The following FBXL3 variants were observed in gnomAD, a reference collection of about 807,000 sequenced individuals.
FBXL3 encodes the protein F-box/LRR-repeat protein 3.
A neutral mutation model predicts 37.9 loss-of-function variants in FBXL3; 14 were observed. The ratio of observed to expected loss-of-function variants is 0.37; its 90% CI spans 0.24 to 0.58. The LOEUF (loss-of-function observed/expected upper bound fraction) is 0.58. FBXL3 is among the 20% of genes least tolerant of loss of function. FBXL3 has a pLI of 0.74. For missense variants in FBXL3, 327 were observed against 511.1 expected, an observed-to-expected ratio of 0.64 and a Z score of 3.47; for synonymous variants, 194 against 180.1, an observed-to-expected ratio of 1.08 and a Z score of -0.62.
rs1809759344 is a variant in FBXL3 at position 77,008,134 on chromosome 13, T to C, written c.644-346A>G. On this transcript the variant is annotated intron_variant, in intron 4 of 4. Coordinates refer to ENST00000355619, the MANE Select transcript of FBXL3 (RefSeq NM_012158.4). ...AAAGTTATTACTAACACTAAACTTA[T>C]AGGTTAGGTAATTACAGGACCACTG... Among the ~76,000 whole-genome samples, 4 of 152,196 alleles carry C rather than the reference T, an allele frequency of 2.6e-5. No individual in the cohort carries two copies. In the South Asian group the frequency reaches 6.2e-4, roughly 24 times the overall value.
chr13:77,018,049 G>A (rs1003655488), intron 3 of FBXL3: 2 of 151,874 alleles, frequency 1.3e-5, no homozygotes, highest in East Asian at 1.9e-4. Flanking sequence ...AGAGAGACAC[G>A]ATCTCTGATT....
intron 3 of FBXL3, chr13:77,017,302 A>C (rs2034661487): frequency 6.6e-6 from 1 of 152,236 alleles, no homozygotes; most frequent in Non-Finnish European, 1.5e-5. Context: ...TATGTTCAAC[A>C]TATCCTTTAA....
chr13:77,025,708 A>G (rs960951200), intron 1 of FBXL3, among the ~76,000 whole-genome samples: 3 of 151,352 alleles, frequency 2.0e-5, no homozygotes, highest in African/African-American at 7.3e-5. Flanking sequence ...AAAAAAAAAA[A>G]AAAACTTTGA....
chr13:77,023,424 T>C (rs73239424), intron 1 of FBXL3, among the ~76,000 whole-genome samples: 1 of 152,056 alleles, frequency 6.6e-6, no homozygotes. Flanking sequence ...ACCCTGGAAG[T>C]AGACTCACTG....
intron 1 of FBXL3, among the ~76,000 whole-genome samples, chr13:77,025,687 CAAAAAAAAAA>C (rs35934318): frequency 1.4e-5 from 1 of 73,968 alleles, no homozygotes; most frequent in Non-Finnish European, 2.4e-5. Context: ...GTCCTTGTCT[CAAAAAAAAAA>C]AAAAAAAAAA....
chr13:77,026,744 C>T (rs1431131043), intron 1 of FBXL3, 83 bp downstream of exon 1: 2 of 146,942 alleles, frequency 1.4e-5, no homozygotes, highest in Non-Finnish European at 3.0e-5. Flanking sequence ...CCCCACCCCA[C>T]CCCGGCCCGC....
rs2034431290 is a variant in FBXL3, at chr13:77,005,306, A to G, written c.*1839T>C. 6.6e-6 allele frequency: 1 copy of G among 152,620 alleles called. No individual in the cohort carries two copies. Among genetic ancestry groups the G allele is most frequent in the Admixed American group, 6.5e-5 (1 of 15,284 alleles). 9.5% of individuals were successfully genotyped at this position (152,620 alleles called of 1,614,324 possible). ...TCAAAGTGATAAAAGCATTTAACAT[A>G]TACTTTACAGTATAAACAAATTAAG... On this transcript the variant is annotated 3_prime_UTR_variant, in exon 5 of 5. Transcript: ENST00000355619.
chr13:77,015,392 CA>C lies in FBXL3; in HGVS notation c.643+16del. ...ATGCATTTTACTAAAATGTGTCTAGCAAAAAACACAACATACCTGCTGGAGA... is the reference window on the plus strand; with the variant it reads ...ATGCATTTTACTAAAATGTGTCTAGCAAAAACACAACATACCTGCTGGAGA... On this transcript the variant is annotated intron_variant, in intron 4 of 4. Coordinates refer to ENST00000355619, the MANE Select transcript of FBXL3 (RefSeq NM_012158.4). 6.7e-7 allele frequency: 1 copy of C among 1,495,068 alleles called. No homozygotes were observed. Among genetic ancestry groups the C allele is most frequent in the Non-Finnish European group, 8.9e-7 (1 of 1,120,598 alleles). The allele number at this position is 1,495,068 out of a possible 1,614,324, so 92.6% of individuals were successfully genotyped here.
chr13:77,017,840 T>G (rs990814143), intron 3 of FBXL3: 1 of 152,110 alleles, frequency 6.6e-6, no homozygotes, highest in Non-Finnish European at 1.5e-5. Flanking sequence ...CCCTCCTCAA[T>G]CATCCTAGTA....
chr13:77,007,285 A>G lies in FBXL3; in HGVS notation c.1147T>C (p.Cys383Arg). The change falls in exon 5 of 5, where the codon TGT becomes CGT. Residue 383 changes from cysteine (C) to arginine (R), a missense_variant. By Grantham distance (180) the Cys-to-Arg change is radical. Coordinates refer to ENST00000355619, the MANE Select transcript of FBXL3 (RefSeq NM_012158.4). ...GATAATTGAGATAGGCGGCCACCAC[A>G]CATCTTCACAAACTCAACAAAGGCA... ...CSAFVEFVKM[C>R]GGRLSQLSIM... 6.2e-7 allele frequency: 1 copy of G among 1,614,054 alleles called. No individual in the cohort carries two copies. The highest frequency in any genetic ancestry group is 8.5e-7 in the Non-Finnish European group (1 of 1,180,010).
rs1324095825 is a variant in FBXL3 at position 77,005,843 on chromosome 13, A to C, written c.*1302T>G. 1 of 152,216 alleles carries C rather than the reference A, an allele frequency of 6.6e-6. No homozygotes were observed. Among genetic ancestry groups the C allele is most frequent in the Non-Finnish European group, 1.5e-5 (1 of 67,942 alleles). The allele number at this position is 152,216 out of a possible 1,614,324, so 9.4% of individuals were successfully genotyped here. A position where few individuals can be genotyped will look rare whatever the true frequency, so the allele number is the denominator to read the frequency against. On this transcript the variant is annotated 3_prime_UTR_variant, in exon 5 of 5. Transcript: ENST00000355619. ...TTCCCTCAGGAGGGTAGTAATATCT[A>C]CTAGCACTAGTGCCCAGCATCAAAG...
At chr13:77,016,538 T>A (rs1593929917) in intron 3 of FBXL3, 1 of 151,258 alleles carries the variant, frequency 6.6e-6, no homozygotes, top group East Asian at 2.0e-4. Context: ...AATGAAACAT[T>A]ACTTTTTTTT....
intron 2 of FBXL3, 129 bp downstream of exon 2, chr13:77,021,384 A>G (rs1179524810): frequency 1.2e-5 from 8 of 644,350 alleles, no homozygotes; most frequent in Admixed American, 6.0e-5. Flanking sequence ...AAGGTATACA[A>G]TAATTCTAAA....
rs1333778537 is a variant in FBXL3, at chr13:77,006,512, A to C, written c.*633T>G. ...CTAAACACTGCCTCCCTTCTGTTCC[A>C]TTTATTGTCTTTTAATTTGATCTTG... On this transcript the variant is annotated 3_prime_UTR_variant, in exon 5 of 5. Transcript: ENST00000355619. 6.6e-6 allele frequency: 1 copy of C among 152,500 alleles called. No individual in the cohort carries two copies. Among genetic ancestry groups the C allele is most frequent in the Non-Finnish European group, 1.5e-5 (1 of 68,152 alleles). The allele number at this position is 152,500 out of a possible 1,614,324, so 9.4% of individuals were successfully genotyped here.
chr13:77,021,547 C>A lies in FBXL3; in HGVS notation c.314G>T (p.Arg105Ile). 1 of 1,613,830 alleles carries A rather than the reference C, an allele frequency of 6.2e-7. No individual in the cohort carries two copies. The highest frequency in any genetic ancestry group is 1.1e-5 in the South Asian group (1 of 91,048). Residue 105 changes from arginine (R) to isoleucine (I), a missense_variant, in exon 2 of 5, where the codon AGA becomes ATA. Coordinates refer to ENST00000355619, the MANE Select transcript of FBXL3 (RefSeq NM_012158.4). ...HPELIKQIIK[R>I]HSNHLQYVSF... ...GACATATTGTAGATGGTTTGAATGT[C>A]TTTTAATAATCTGTTTGATCAGCTC...
At chr13:77,026,762 C>T (rs1404098273) in intron 1 of FBXL3, 65 bp downstream of exon 1, 1 of 145,288 alleles carries the variant, frequency 6.9e-6, no homozygotes, top group Admixed American at 6.9e-5. Flanking sequence ...CGCCCACAGA[C>T]GGTCCGCGGT....
intron 4 of FBXL3, chr13:77,014,186 C>T (rs1301253278): frequency 6.6e-6 from 1 of 152,190 alleles, no homozygotes; most frequent in Non-Finnish European, 1.5e-5. Context: ...AAGTATTCCA[C>T]AGGGTAAAGT....
intron 2 of FBXL3, among the ~76,000 whole-genome samples, chr13:77,019,508 AATTAT>A (rs1405523267): frequency 6.6e-5 from 10 of 152,316 alleles, no homozygotes; most frequent in Middle Eastern, 3.4e-3. Flanking sequence ...CTAATGTGCT[AATTAT>A]ATTAGTTTCA....
intron 2 of FBXL3, among the ~76,000 whole-genome samples, chr13:77,021,259 C>T (rs552368103): frequency 3.9e-5 from 6 of 152,288 alleles, no homozygotes; most frequent in Non-Finnish European, 7.4e-5. Flanking sequence ...ATGTAATTCA[C>T]AGCTTTATCA....
Sources: gnomAD v4.1 joint callset for allele counts (sites outside exome capture counted in the v4.1 genomes callset) on GRCh38, gnomAD v4.1.1 for gene constraint, MANE v1.5 for transcripts, NCBI Gene and HGNC (gene_info 2026-07-23, HGNC 2026-07-21) for gene names.